The following GLRA3 variants were observed in gnomAD, a reference collection of about 807,000 sequenced individuals.
The protein encoded by GLRA3 is glycine receptor subunit alpha-3.
GLRA3 carries 44 observed loss-of-function variants against 60.4 expected under a neutral mutation model. The observed-to-expected ratio is 0.73, with a 90% CI of 0.57 to 0.94. The LOEUF (loss-of-function observed/expected upper bound fraction) is 0.94. Ranked by LOEUF, GLRA3 falls within the 40% of genes least tolerant of loss-of-function variation. The pLI is 0.00. For missense variants in GLRA3, 508 were observed against 564.6 expected, an observed-to-expected ratio of 0.90 and a Z score of 1.02; for synonymous variants, 223 against 192.9, an observed-to-expected ratio of 1.16 and a Z score of -1.29.
chr4:174,673,460 A>T (rs1733985920), intron 7 of GLRA3, among the ~76,000 whole-genome samples: 1 of 152,136 alleles, frequency 6.6e-6, no homozygotes, highest in African/African-American at 2.4e-5. Flanking sequence ...TAAAAAAAAG[A>T]TTACAGAATG....
intron 3 of GLRA3, among the ~76,000 whole-genome samples, chr4:174,732,310 A>G (rs948274646): frequency 2.6e-5 from 4 of 151,516 alleles, no homozygotes; most frequent in Middle Eastern, 3.2e-3. Flanking sequence ...AGCCGAGATC[A>G]CGCCTCTGCA....
chr4:174,728,648 G>C lies in GLRA3; in HGVS notation c.318C>G (p.Leu106=), dbSNP rs143084670. 2.9e-3 allele frequency: 4,699 copies of C among 1,610,842 alleles called. 14 individuals are homozygous for C. The highest frequency in any genetic ancestry group is 3.5e-3 in the Non-Finnish European group (4,125 of 1,177,182). ...AGTCGTCAGGATATTCACTGTACGC[G>C]AGGCGGGGATCATTCCATTTCTGAC... The part of the protein sequence containing the change: ...FLRQKWNDPR[L]AYSEYPDDSL... Residue 106 remains leucine, a synonymous_variant, in exon 4 of 10, where the codon CTC becomes CTG. Coordinates refer to ENST00000274093, the MANE Select transcript of GLRA3 (RefSeq NM_006529.4).
At chr4:174,738,097 C>A (rs1159537273) in intron 3 of GLRA3, among the ~76,000 whole-genome samples, 1 of 152,080 alleles carries the variant, frequency 6.6e-6, no homozygotes, top group Non-Finnish European at 1.5e-5. Context: ...TGGAGATTGG[C>A]CAAGGAACTC....
intron 2 of GLRA3, among the ~76,000 whole-genome samples, chr4:174,773,365 T>C (rs762028334): frequency 6.6e-6 from 1 of 151,354 alleles, no homozygotes; most frequent in Non-Finnish European, 1.5e-5. Context: ...AGAAATGAAG[T>C]GATGGCAGAA....
intron 3 of GLRA3, among the ~76,000 whole-genome samples, chr4:174,753,133 G>A (rs2111200595): frequency 6.6e-6 from 1 of 152,246 alleles, no homozygotes; most frequent in Non-Finnish European, 1.5e-5. Flanking sequence ...TAAGTAACAA[G>A]GAAGGCTTAA....
At position 174,828,981 on chromosome 4, in the gene GLRA3, G is replaced by C. The variant is rs1741094352; in HGVS notation, c.-170C>G. 1.0e-5 allele frequency: 6 copies of C among 601,984 alleles called. No individual in the cohort carries two copies. The East Asian group carries it at 1.7e-4, about 17-fold the overall frequency. The allele number at this position is 601,984 out of a possible 1,614,324, so 37.3% of individuals were successfully genotyped here. A position where few individuals can be genotyped will look rare whatever the true frequency, so the allele number is the denominator to read the frequency against. ...CCCGCAGTATGCGGACCCCTTCTCA[G>C]CATTGAGCAGAAGTGGAGAGTCACA... On this transcript the variant is annotated 5_prime_UTR_variant, in exon 1 of 10. Transcript: ENST00000274093.
rs186069881 is a variant in GLRA3 at position 174,654,531 on chromosome 4, A to G, written c.1116+2212T>C. 5.0e-4 allele frequency among the ~76,000 whole-genome samples: 76 copies of G among 152,286 alleles called. 1 individual carries two copies. The East Asian group carries it at 0.013, about 27-fold the overall frequency. On this transcript the variant is annotated intron_variant, in intron 9 of 9. Transcript: ENST00000274093. Reference sequence around the variant, plus strand: ...TGCATATATAAATAATAATTAATAAATAATCATCAGTAGGGAAACAGGCAC... The same window carrying G: ...TGCATATATAAATAATAATTAATAAGTAATCATCAGTAGGGAAACAGGCAC...
At position 174,640,612 on chromosome 4, in the gene GLRA3, G is replaced by A. The variant is rs1308362169; in HGVS notation, c.*3174C>T. 6.6e-6 allele frequency: 1 copy of A among 151,886 alleles called. No individual in the cohort carries two copies. The highest frequency in any genetic ancestry group is 6.6e-5 in the Admixed American group (1 of 15,214). 9.4% of individuals were successfully genotyped at this position (151,886 alleles called of 1,614,324 possible). A position where few individuals can be genotyped will look rare whatever the true frequency, so the allele number is the denominator to read the frequency against. On this transcript the variant is annotated 3_prime_UTR_variant, in exon 10 of 10. Coordinates refer to ENST00000274093, the MANE Select transcript of GLRA3 (RefSeq NM_006529.4). ...GCACTGAGTACTAAAGTAGTGAACAGCTTGCTCTCTTCTGTTAGTTAAACA... is the reference window on the plus strand; with the variant it reads ...GCACTGAGTACTAAAGTAGTGAACAACTTGCTCTCTTCTGTTAGTTAAACA...
intron 6 of GLRA3, among the ~76,000 whole-genome samples, chr4:174,678,047 A>G (rs73867674): frequency 0.038 from 5,724 of 152,314 alleles, 217 homozygotes; most frequent in African/African-American, 0.092. Flanking sequence ...GAGGATAAAC[A>G]CAATTGAACA....
intron 4 of GLRA3, 47 bp from the exon 5 acceptor site, chr4:174,715,617 T>G (rs1561073419): frequency 2.3e-6 from 2 of 866,790 alleles, no homozygotes; most frequent in Non-Finnish European, 3.8e-6. Flanking sequence ...TGACATTATA[T>G]TAATATTCTA....
At position 174,639,113 on chromosome 4, in the gene GLRA3, A is replaced by G. The variant is rs1179258639; in HGVS notation, c.*4673T>C. On this transcript the variant is annotated 3_prime_UTR_variant, in exon 10 of 10. Coordinates refer to ENST00000274093, the MANE Select transcript of GLRA3 (RefSeq NM_006529.4). The stretch of plus-strand genomic sequence containing the variant: ...ACAGTTATTTAGCTGTTCTTCAAAA[A>G]CGGTTCAAATAGTGTTTTAGAATTC... 1 of 152,156 alleles carries G rather than the reference A, an allele frequency of 6.6e-6. No homozygotes were observed. Among genetic ancestry groups the G allele is most frequent in the Admixed American group, 6.6e-5 (1 of 15,260 alleles). The allele number at this position is 152,156 out of a possible 1,614,324, so 9.4% of individuals were successfully genotyped here.
At chr4:174,667,974 C>G (rs774270026) in intron 7 of GLRA3, among the ~76,000 whole-genome samples, 2 of 152,038 alleles carry the variant, frequency 1.3e-5, no homozygotes, top group Non-Finnish European at 2.9e-5. Flanking sequence ...GTAGTTCCAT[C>G]GTGGGGTTGG....
At chr4:174,658,539 C>T (rs1379380348) in intron 8 of GLRA3, among the ~76,000 whole-genome samples, 5 of 151,986 alleles carry the variant, frequency 3.3e-5, no homozygotes, top group Non-Finnish European at 7.4e-5. Context: ...ATTGTGTTTC[C>T]CACAGGGTTT....
chr4:174,814,558 C>A (rs1740407320), intron 1 of GLRA3, among the ~76,000 whole-genome samples: 1 of 152,122 alleles, frequency 6.6e-6, no homozygotes, highest in Non-Finnish European at 1.5e-5. Context: ...TGAGACTGGG[C>A]AATTTACAAA....
Position 174,682,726 on chromosome 4 carries a change from A to C in GLRA3, c.712+76T>G. ...TGATCTATGAACAGTTAAATAACTT[A>C]GCATTATAATGAAGAAACATCTGGA... On this transcript the variant is annotated intron_variant, in intron 6 of 9. Coordinates refer to ENST00000274093, the MANE Select transcript of GLRA3 (RefSeq NM_006529.4). The C allele has an allele frequency of 2.8e-6, 3 of 1,053,234 alleles. No individual in the cohort carries two copies. The South Asian group carries it at 4.7e-5, about 16-fold the overall frequency. 65.2% of individuals were successfully genotyped at this position (1,053,234 alleles called of 1,614,324 possible).
At chr4:174,649,997 G>T (rs1257837879) in intron 9 of GLRA3, among the ~76,000 whole-genome samples, 1 of 152,056 alleles carries the variant, frequency 6.6e-6, no homozygotes, top group Non-Finnish European at 1.5e-5. Flanking sequence ...TTTAATAAGT[G>T]ATACTTTCCC....
chr4:174,648,777 G>C (rs142441744), intron 9 of GLRA3, among the ~76,000 whole-genome samples: 176 of 152,192 alleles, frequency 1.2e-3, no homozygotes, highest in African/African-American at 3.9e-3. Flanking sequence ...GAAAATCTAG[G>C]CTGTTCAGAA....
chr4:174,810,022 C>A (rs1369566797), intron 1 of GLRA3, among the ~76,000 whole-genome samples: 3 of 152,146 alleles, frequency 2.0e-5, no homozygotes, highest in Non-Finnish European at 4.4e-5. Flanking sequence ...TCATTTTCAT[C>A]TTCAAATAGG....
chr4:174,693,683 T>A (rs1734945801), intron 5 of GLRA3, among the ~76,000 whole-genome samples: 1 of 152,198 alleles, frequency 6.6e-6, no homozygotes, highest in Non-Finnish European at 1.5e-5. Context: ...TCTAGTTCTG[T>A]GAAGAATGTC....
Sources: allele counts gnomAD v4.1 joint callset (sites outside exome capture counted in the v4.1 genomes callset), GRCh38; gene constraint gnomAD v4.1.1; transcripts MANE v1.5; gene names NCBI Gene and HGNC (gene_info 2026-07-23, HGNC 2026-07-21).